Variants in AAAS observed in about 807,000 individuals in gnomAD.
AAAS encodes the protein aladin.
A neutral mutation model predicts 75.6 loss-of-function variants in AAAS; 60 were observed. The observed-to-expected ratio is 0.79, with a 90% CI of 0.64 to 0.98. The LOEUF is 0.98. Among genes scored for constraint, AAAS ranks in the 50% least tolerant of loss-of-function variants. The pLI is 0.00. For synonymous variants in AAAS, 271 were observed against 265.0 expected, an observed-to-expected ratio of 1.02 and a Z score of -0.22; for missense variants, 658 against 686.9, an observed-to-expected ratio of 0.96 and a Z score of 0.47.
At position 53,308,812 on chromosome 12, in the gene AAAS, C is replaced by T; in HGVS notation, c.1000G>A (p.Gly334Ser). Residue 334 changes from glycine (G) to serine (S), a missense_variant, in exon 11 of 16, where the codon GGC becomes AGC. Coordinates refer to ENST00000209873, the MANE Select transcript of AAAS (RefSeq NM_015665.6). ...CGGCTGCCATCTGGGCTCCAGCAGC[C>T]AGTCTGGGGTCAGGGAGCAAAAGGC... ...WPTLSGRCQTGCWSPDGSRLL... is the reference protein window; with the variant it reads ...WPTLSGRCQTSCWSPDGSRLL... 6.2e-7 allele frequency: 1 copy of T among 1,614,048 alleles called. No individual in the cohort carries two copies. Among genetic ancestry groups the T allele is most frequent in the Non-Finnish European group, 8.5e-7 (1 of 1,180,038 alleles).
rs1262857123 is a variant in AAAS at position 53,314,384 on chromosome 12, C to T, written c.603G>A (p.Trp201Ter). The T allele has an allele frequency of 3.1e-6, 5 of 1,614,154 alleles. No homozygotes were observed. Among genetic ancestry groups the T allele is most frequent in the Non-Finnish European group, 3.4e-6 (4 of 1,180,018 alleles). ...CCAAGACAGAGGCACTAAGGGGCTT[C>T]CAGGCCAGAGACGCCACATTTCGCT... Reference protein sequence around the residue: ...RLQRNVASLAWKPLSASVLAV... With the variant: ...RLQRNVASLA The change falls in exon 7 of 16, where the codon TGG (tryptophan) becomes TGA (stop). Residue 201 changes from tryptophan (W) to a stop codon, truncating the protein, a stop_gained. Transcript: ENST00000209873. LOFTEE classifies it high-confidence loss of function.
intron 6 of AAAS, 62 bp from the exon 7 acceptor site, chr12:53,314,503 T>A: frequency 6.2e-7 from 1 of 1,606,506 alleles, no homozygotes; most frequent in Non-Finnish European, 8.5e-7. Flanking sequence ...GGGACCAGAG[T>A]GCAGTTAAGG....
chr12:53,315,468 G>A, intron 3 of AAAS, 42 bp from the exon 4 acceptor site: 2 of 1,557,750 alleles, frequency 1.3e-6, no homozygotes, highest in Non-Finnish European at 1.8e-6. Context: ...CCATTCACAG[G>A]CCTCTTACCA....
chr12:53,307,585 C>T lies in AAAS; in HGVS notation c.1545G>A (p.Leu515=). The T allele has an allele frequency of 3.1e-6, 5 of 1,614,128 alleles. No individual in the cohort carries two copies. The highest frequency in any genetic ancestry group is 3.4e-6 in the Non-Finnish European group (4 of 1,179,972). The part of the protein sequence containing the change: ...PAGGGGSIHD[L]PLFTETSPTS... Reference sequence around the variant, plus strand: ...TTGGGGATGTCTCAGTAAAGAGGGGCAGGTCATGAATAGAGCCTCCACCCC... The same window carrying T: ...TTGGGGATGTCTCAGTAAAGAGGGGTAGGTCATGAATAGAGCCTCCACCCC... Residue 515 remains leucine, a synonymous_variant, in exon 16 of 16, where the codon CTG becomes CTA. Coordinates refer to ENST00000209873, the MANE Select transcript of AAAS (RefSeq NM_015665.6).
Position 53,321,530 on chromosome 12 carries a change from C to T in AAAS, c.-65G>A. On this transcript the variant is annotated 5_prime_UTR_variant, in exon 1 of 16. Transcript: ENST00000209873. ...GGCCGGAACGGCACAGACCGCACTC[C>T]CGCAACTCGGTTCCCGGGCTAGATT... is the stretch of plus-strand genomic sequence containing the variant. 3 of 1,610,250 alleles carry T rather than the reference C, an allele frequency of 1.9e-6. No homozygotes were observed. Among genetic ancestry groups the T allele is most frequent in the Admixed American group, 1.7e-5 (1 of 60,024 alleles).
At position 53,320,457 on chromosome 12, in the gene AAAS, G is replaced by A. The variant is rs545187009; in HGVS notation, c.251+108C>T. 1.1e-5 allele frequency: 17 copies of A among 1,484,408 alleles called. 1 individual carries two copies. The highest frequency in any genetic ancestry group is 9.1e-5 in the South Asian group (8 of 87,680). 92.0% of individuals were successfully genotyped at this position (1,484,408 alleles called of 1,614,324 possible). On this transcript the variant is annotated intron_variant, in intron 2 of 15. Coordinates refer to ENST00000209873, the MANE Select transcript of AAAS (RefSeq NM_015665.6). ...ATTTAGGATATACAGCTCTCGTGGA[G>A]ACAGCCTGAATAAAAGTCTTTTGAA...
rs908400676 is a variant in AAAS at position 53,314,616 on chromosome 12, T to C, written c.545+135A>G. The C allele has an allele frequency of 8.4e-6, 11 of 1,316,088 alleles. No homozygotes were observed. In the African/African-American group the frequency reaches 1.3e-4, roughly 16 times the overall value. The allele number at this position is 1,316,088 out of a possible 1,614,324, so 81.5% of individuals were successfully genotyped here. ...TCTAGAAGAAGCACGCATCCAGTTA[T>C]GGAGCTTCCCTGACCCCAGTTCTGG... On this transcript the variant is annotated intron_variant, in intron 6 of 15. Transcript: ENST00000209873.
intron 2 of AAAS, among the ~76,000 whole-genome samples, chr12:53,316,287 T>C (rs1944459356): frequency 6.6e-6 from 1 of 150,692 alleles, no homozygotes; most frequent in Non-Finnish European, 1.5e-5. Flanking sequence ...CCGTCTCTAC[T>C]AAAAATGCAG....
Position 53,309,596 on chromosome 12 carries a change from C to A in AAAS, c.810+5G>T, listed in dbSNP as rs757257882. 1 of 1,613,732 alleles carries A rather than the reference C, an allele frequency of 6.2e-7. No individual in the cohort carries two copies. Among genetic ancestry groups the A allele is most frequent in the South Asian group, 1.1e-5 (1 of 90,968 alleles). Reference sequence around the variant, plus strand: ...AATGTGCATGAGGGGCAGGGACCCACTCACCCGGATAGCAGCATCCACGGG... The same window carrying A: ...AATGTGCATGAGGGGCAGGGACCCAATCACCCGGATAGCAGCATCCACGGG... On this transcript the variant is annotated splice_donor_5th_base_variant and intron_variant, in intron 8 of 15. Coordinates refer to ENST00000209873, the MANE Select transcript of AAAS (RefSeq NM_015665.6).
rs144376552 is a variant in AAAS, at chr12:53,308,087, G to A, written c.1296C>T (p.Arg432=). The change falls in exon 14 of 16, where the codon CGC becomes CGT. Residue 432 remains arginine, a synonymous_variant. Coordinates refer to ENST00000209873, the MANE Select transcript of AAAS (RefSeq NM_015665.6). ...GCTCAAACACAGGGCTGTTTCGAGT[G>A]CGAAAAAGGAGGATGACTGGTTTAC... ...QDGKPVILLF[R]TRNSPVFELL... is the part of the protein sequence containing the mutation. 32 of 1,614,184 alleles carry A rather than the reference G, an allele frequency of 2.0e-5. No homozygotes were observed. The African/African-American group carries it at 3.6e-4, about 18-fold the overall frequency.
intron 2 of AAAS, among the ~76,000 whole-genome samples, chr12:53,320,163 T>C (rs555324096): frequency 1.3e-5 from 2 of 152,136 alleles, no homozygotes; most frequent in East Asian, 3.9e-4. Flanking sequence ...GCTCCACTCC[T>C]ACAAGTGCAA....
chr12:53,315,352 G>A lies in AAAS; in HGVS notation c.382C>T (p.Leu128=). Residue 128 remains leucine (L), a synonymous_variant, in exon 4 of 16, where the codon CTG becomes TTG. Transcript: ENST00000209873. Reference sequence around the variant, plus strand: ...AAACTTACAGACAGATGGGGGAACAGGGACCCATGGAGGGAAGAGGCCCAT... The same window carrying A: ...AAACTTACAGACAGATGGGGGAACAAGGACCCATGGAGGGAAGAGGCCCAT... ...CRWASSLHGS[L]FPHLSLRSED... The A allele has an allele frequency of 1.9e-6, 3 of 1,614,184 alleles. No homozygotes were observed. The highest frequency in any genetic ancestry group is 1.7e-6 in the Non-Finnish European group (2 of 1,180,042).
rs200984279 is a variant in AAAS, at chr12:53,320,573, G to A, written c.243C>T (p.Ile81=). The A allele has an allele frequency of 6.2e-7, 1 of 1,613,962 alleles. No homozygotes were observed. The highest frequency in any genetic ancestry group is 8.5e-7 in the Non-Finnish European group (1 of 1,180,010). The change falls in exon 2 of 16, where the codon ATC becomes ATT. Residue 81 remains isoleucine (I), a synonymous_variant. Transcript: ENST00000209873. ...HHREQVWKRC[I]NIWRDVGLFG... ...CCTTTGCCATGCCTCACCAAATGTT[G>A]ATGCATCTCTTCCACACTTGCTCCC...
At chr12:53,315,530 T>A (rs1944449108) in intron 3 of AAAS, 104 bp from the exon 4 acceptor site, 1 of 1,235,364 alleles carries the variant, frequency 8.1e-7, no homozygotes. Flanking sequence ...CAGGTCCTTC[T>A]GCCCAGTAAG....
chr12:53,312,106 T>A (rs936320031), intron 7 of AAAS, among the ~76,000 whole-genome samples: 3 of 150,750 alleles, frequency 2.0e-5, no homozygotes, highest in African/African-American at 7.3e-5. Context: ...GGCGGGCGGA[T>A]CACGAAGTCA....
chr12:53,320,772 G>A (rs942448239), intron 1 of AAAS, 80 bp from the exon 2 acceptor site: 4 of 1,511,070 alleles, frequency 2.6e-6, no homozygotes, highest in East Asian at 2.3e-5. Context: ...CCAACCCACC[G>A]CTGGGCTAAG....
chr12:53,314,664 C>A (rs1350046836), intron 6 of AAAS, 87 bp downstream of exon 6: 1 of 1,447,754 alleles, frequency 6.9e-7, no homozygotes, highest in African/African-American at 1.4e-5. Flanking sequence ...GAATCAGGTT[C>A]AAGAACTACA....
At chr12:53,313,898 C>T (rs1944427621) in intron 7 of AAAS, among the ~76,000 whole-genome samples, 1 of 152,072 alleles carries the variant, frequency 6.6e-6, no homozygotes, top group African/African-American at 2.4e-5. Flanking sequence ...CATGAGCCAC[C>T]GCACCCAGCT....
rs768346017 is a variant in AAAS at position 53,321,516 on chromosome 12, C to T, written c.-51G>A. 1.2e-5 allele frequency: 20 copies of T among 1,611,556 alleles called. No homozygotes were observed. The highest frequency in any genetic ancestry group is 1.7e-5 in the Non-Finnish European group (20 of 1,179,740). On this transcript the variant is annotated 5_prime_UTR_variant, in exon 1 of 16. Transcript: ENST00000209873. ...GTCGGCAAACTCCTGGCCGGAACGG[C>T]ACAGACCGCACTCCCGCAACTCGGT...
Sources: gnomAD v4.1 joint callset for allele counts (sites outside exome capture counted in the v4.1 genomes callset) on GRCh38, gnomAD v4.1.1 for gene constraint, MANE v1.5 for transcripts, NCBI Gene and HGNC (gene_info 2026-07-23, HGNC 2026-07-21) for gene names.